SORCS3: variants seen among roughly 807,000 people sequenced by gnomAD.
SORCS3 encodes VPS10 domain-containing receptor SorCS3.
SORCS3 carries 57 observed loss-of-function variants against 146.3 expected under a neutral mutation model. The observed-to-expected ratio is 0.39, with a 90% confidence interval of 0.31 to 0.49. SORCS3 has a LOEUF of 0.49. Among genes scored for constraint, SORCS3 ranks in the 20% least tolerant of loss-of-function variants. SORCS3 has a pLI of 0.92. For missense variants in SORCS3, 1,341 were observed against 1,575.5 expected (o/e 0.85, Z 2.52); for synonymous variants, 653 against 618.5 (o/e 1.06, Z -0.83).
At chr10:104,740,552 G>A (rs549885677) in intron 1 of SORCS3, among the ~76,000 whole-genome samples, 1 of 152,236 alleles carries the variant, frequency 6.6e-6, no homozygotes, top group African/African-American at 2.4e-5. Context: ...CTTTCTTAGT[G>A]TCTATCTTCC....
At chr10:105,139,559 C>T in intron 8 of SORCS3, 73 bp downstream of exon 8, 1 of 1,197,138 alleles carries the variant, frequency 8.4e-7, no homozygotes, top group Non-Finnish European at 1.2e-6. Context: ...CTTTGTTGGG[C>T]TACTGGGAGG....
At chr10:105,078,835 T>G (rs1298693562) in intron 5 of SORCS3, among the ~76,000 whole-genome samples, 1 of 152,064 alleles carries the variant, frequency 6.6e-6, no homozygotes, top group Non-Finnish European at 1.5e-5. Flanking sequence ...TTGCCTAGAA[T>G]CCCCCAGTGA....
At chr10:104,873,917 T>C (rs1312918406) in intron 2 of SORCS3, among the ~76,000 whole-genome samples, 1 of 152,202 alleles carries the variant, frequency 6.6e-6, no homozygotes, top group Non-Finnish European at 1.5e-5. Flanking sequence ...TTTAATTGAA[T>C]TGCTATCCCA....
chr10:105,036,524 C>T (rs943001195), intron 4 of SORCS3, among the ~76,000 whole-genome samples: 1 of 152,104 alleles, frequency 6.6e-6, no homozygotes, highest in Non-Finnish European at 1.5e-5. Flanking sequence ...TTTGGGAGGC[C>T]AAGGCTGGTG....
At chr10:104,953,334 T>G (rs1323571009) in intron 3 of SORCS3, among the ~76,000 whole-genome samples, 1 of 152,242 alleles carries the variant, frequency 6.6e-6, no homozygotes, top group Admixed American at 6.5e-5. Flanking sequence ...ACTGGCAGTT[T>G]CCTCCATTCT....
intron 1 of SORCS3, among the ~76,000 whole-genome samples, chr10:104,683,031 G>A (rs974254492): frequency 2.6e-5 from 4 of 152,164 alleles, no homozygotes; most frequent in African/African-American, 9.7e-5. Context: ...ACCTACCCTT[G>A]ACATCTAAGC....
intron 2 of SORCS3, among the ~76,000 whole-genome samples, chr10:104,850,486 A>T (rs963618979): frequency 6.6e-6 from 1 of 152,176 alleles, no homozygotes; most frequent in East Asian, 1.9e-4. Context: ...TGGGGGACTG[A>T]GGCGGGAGGA....
chr10:104,987,740 A>C (rs1266951366), intron 4 of SORCS3, among the ~76,000 whole-genome samples: 2 of 152,142 alleles, frequency 1.3e-5, no homozygotes, highest in Non-Finnish European at 2.9e-5. Context: ...TTCAGAACGC[A>C]CCCACCATAG....
chr10:105,077,316 T>G (rs527854680), intron 5 of SORCS3, among the ~76,000 whole-genome samples: 1 of 152,184 alleles, frequency 6.6e-6, no homozygotes, highest in Non-Finnish European at 1.5e-5. Flanking sequence ...ATTCACTAAG[T>G]GTATTTCATG....
intron 7 of SORCS3, among the ~76,000 whole-genome samples, chr10:105,115,931 A>G (rs1021499190): frequency 2.6e-5 from 4 of 152,212 alleles, no homozygotes; most frequent in Non-Finnish European, 5.9e-5. Flanking sequence ...AAGCAAAATG[A>G]AAGAGTTACA....
At chr10:105,065,695 C>T (rs1281236221) in intron 5 of SORCS3, among the ~76,000 whole-genome samples, 3 of 152,178 alleles carry the variant, frequency 2.0e-5, no homozygotes, top group African/African-American at 7.2e-5. Flanking sequence ...TCTAAGAAGA[C>T]AGCCACACCA....
chr10:104,968,037 A>T (rs935292601), intron 3 of SORCS3, among the ~76,000 whole-genome samples: 1 of 152,130 alleles, frequency 6.6e-6, no homozygotes, highest in African/African-American at 2.4e-5. Context: ...AGCCCCTTTA[A>T]TCATTATCTC....
At chr10:104,876,855 CTCTTT>C (rs2018580138) in intron 2 of SORCS3, among the ~76,000 whole-genome samples, 2 of 134,078 alleles carry the variant, frequency 1.5e-5, no homozygotes, top group African/African-American at 5.5e-5. Context: ...TTTCTTTTTT[CTCTTT>C]TCTTTTGTTT....
chr10:105,147,258 A>C (rs143098886), intron 8 of SORCS3, among the ~76,000 whole-genome samples: 199 of 152,294 alleles, frequency 1.3e-3, no homozygotes, highest in Non-Finnish European at 2.5e-3. Flanking sequence ...ATCTAATGAC[A>C]AGATAGGCTC....
Position 105,130,100 on chromosome 10 carries a change from G to C in SORCS3, c.1213-9297G>C, listed in dbSNP as rs530942116. ...GCTATGTGCCAGATGCAAGGCTAAA[G>C]CTCTTTCTATATTGAATTATATTTG... On this transcript the variant is annotated intron_variant, in intron 7 of 26. Coordinates refer to ENST00000369701, the MANE Select transcript of SORCS3 (RefSeq NM_014978.3). Among the ~76,000 whole-genome samples the C allele has an allele frequency of 9.9e-5, 15 of 152,268 alleles. No individual in the cohort carries two copies. In the South Asian group the frequency reaches 1.0e-3, roughly 11 times the overall value.
rs1226861079 is a variant in SORCS3, at chr10:105,264,811, G to A, written c.*1437G>A. The A allele has an allele frequency of 3.3e-5, 5 of 152,592 alleles. No individual in the cohort carries two copies. Among genetic ancestry groups the A allele is most frequent in the Non-Finnish European group, 5.9e-5 (4 of 68,038 alleles). The allele number at this position is 152,592 out of a possible 1,614,324, so 9.5% of individuals were successfully genotyped here. ...ATTTTTTTCAATAGGGTCACGTTAAGCCATGCTGTAAGCATTGTTTTTATT... is the reference window on the plus strand; with the variant it reads ...ATTTTTTTCAATAGGGTCACGTTAAACCATGCTGTAAGCATTGTTTTTATT... On this transcript the variant is annotated 3_prime_UTR_variant, in exon 27 of 27. Transcript: ENST00000369701.
At chr10:104,708,180 T>C (rs1396575510) in intron 1 of SORCS3, among the ~76,000 whole-genome samples, 1 of 152,188 alleles carries the variant, frequency 6.6e-6, no homozygotes, top group African/African-American at 2.4e-5. Flanking sequence ...CTCCCATTAT[T>C]ATCCCCTTCT....
intron 1 of SORCS3, among the ~76,000 whole-genome samples, chr10:104,827,770 C>T (rs765360443): frequency 6.6e-6 from 1 of 152,144 alleles, no homozygotes; most frequent in Non-Finnish European, 1.5e-5. Context: ...CATTGAAAAT[C>T]GATTATATAG....
intron 5 of SORCS3, among the ~76,000 whole-genome samples, chr10:105,067,281 C>G (rs573054427): frequency 6.6e-6 from 1 of 152,194 alleles, no homozygotes; most frequent in Non-Finnish European, 1.5e-5. Context: ...AATCCCAACA[C>G]TTTGGGAGGC....
Sources: gnomAD v4.1 joint callset for allele counts (sites outside exome capture counted in the v4.1 genomes callset) on GRCh38, gnomAD v4.1.1 for gene constraint, MANE v1.5 for transcripts, NCBI Gene and HGNC (gene_info 2026-07-23, HGNC 2026-07-21) for gene names.